COL25A1: variants seen among roughly 807,000 people sequenced by gnomAD.
COL25A1 encodes collagen alpha-1(XXV) chain.
Under a neutral mutation model 128.4 loss-of-function variants are expected in COL25A1, and 103 were observed. The ratio of observed to expected loss-of-function variants is 0.80; its 90% CI spans 0.68 to 0.94. The LOEUF is 0.94. Among genes scored for constraint, COL25A1 ranks in the 40% least tolerant of loss-of-function variants. The pLI is 0.00. For missense variants in COL25A1, 745 were observed against 840.0 expected, an observed-to-expected ratio of 0.89 and a Z score of 1.40; for synonymous variants, 279 against 277.2, an observed-to-expected ratio of 1.01 and a Z score of -0.06.
chr4:109,087,063 C>T (rs961087414), intron 3 of COL25A1, among the ~76,000 whole-genome samples: 3 of 152,044 alleles, frequency 2.0e-5, no homozygotes, highest in Admixed American at 6.5e-5. Context: ...AGTATGAGTA[C>T]AAAGGGATGA....
intron 15 of COL25A1, 39 bp from the exon 16 acceptor site, chr4:108,896,750 G>A: frequency 6.5e-7 from 1 of 1,538,258 alleles, no homozygotes; most frequent in Non-Finnish European, 9.0e-7. Flanking sequence ...AAATACATTG[G>A]TGACGTCAAG....
chr4:108,860,215 A>T (rs1426743207), intron 23 of COL25A1, among the ~76,000 whole-genome samples: 1 of 151,958 alleles, frequency 6.6e-6, no homozygotes, highest in Admixed American at 6.6e-5. Context: ...GTGTTCAAGC[A>T]ATTCTCCTGC....
chr4:109,234,138 A>AT (rs1290158164), intron 3 of COL25A1, among the ~76,000 whole-genome samples: 1 of 152,162 alleles, frequency 6.6e-6, no homozygotes, highest in Non-Finnish European at 1.5e-5. Context: ...GAACAAATTA[A>AT]TTTTTTCCAT....
At chr4:109,220,034 T>C in intron 3 of COL25A1, among the ~76,000 whole-genome samples, 1 of 152,196 alleles carries the variant, frequency 6.6e-6, no homozygotes, top group East Asian at 1.9e-4. Flanking sequence ...CCATCTGTCA[T>C]TTATAGTCTT....
chr4:108,937,358 G>T (rs1310520978), intron 11 of COL25A1, among the ~76,000 whole-genome samples: 1 of 151,708 alleles, frequency 6.6e-6, no homozygotes, highest in Non-Finnish European at 1.5e-5. Context: ...AAATGACAGA[G>T]AACCAAAAGG....
chr4:109,254,085 T>G (rs1290814725), intron 3 of COL25A1, among the ~76,000 whole-genome samples: 1 of 137,708 alleles, frequency 7.3e-6, no homozygotes, highest in Non-Finnish European at 1.5e-5. Context: ...AGACTCCGTC[T>G]CAAGAAAAAA....
At chr4:109,214,259 A>G (rs1777811277) in intron 3 of COL25A1, among the ~76,000 whole-genome samples, 1 of 152,204 alleles carries the variant, frequency 6.6e-6, no homozygotes, top group Non-Finnish European at 1.5e-5. Context: ...TGAAAACTTC[A>G]TAAAATCAAT....
At chr4:108,972,216 C>G (rs1252018425) in intron 8 of COL25A1, among the ~76,000 whole-genome samples, 1 of 151,796 alleles carries the variant, frequency 6.6e-6, no homozygotes, top group South Asian at 2.1e-4. Flanking sequence ...TGGTAAAAAG[C>G]GTAATTCAAA....
intron 6 of COL25A1, among the ~76,000 whole-genome samples, chr4:108,982,234 A>G (rs1560968699): frequency 6.6e-6 from 1 of 152,156 alleles, no homozygotes. Flanking sequence ...AAGAAATACA[A>G]TTGATTTCCT....
At chr4:108,912,578 T>C (rs530355799) in intron 13 of COL25A1, among the ~76,000 whole-genome samples, 23 of 152,212 alleles carry the variant, frequency 1.5e-4, no homozygotes, top group Non-Finnish European at 2.2e-4. Context: ...GCTAATTAAC[T>C]AGAAAACAAA....
intron 13 of COL25A1, among the ~76,000 whole-genome samples, chr4:108,905,841 G>C (rs1468235696): frequency 1.4e-5 from 2 of 147,198 alleles, no homozygotes; most frequent in Non-Finnish European, 3.0e-5. Context: ...CCAAGCTGGA[G>C]CAGTATGTCG....
At chr4:108,994,398 G>T (rs937920284) in intron 6 of COL25A1, among the ~76,000 whole-genome samples, 1 of 152,216 alleles carries the variant, frequency 6.6e-6, no homozygotes, top group Non-Finnish European at 1.5e-5. Flanking sequence ...CAGCTTGATG[G>T]GGGGAGGGGC....
chr4:108,845,163 T>G (rs1377598277), intron 29 of COL25A1, 26 bp downstream of exon 29: 18 of 1,599,702 alleles, frequency 1.1e-5, no homozygotes, highest in Non-Finnish European at 1.5e-5. Context: ...TCAGGAACAA[T>G]GGAAGTTCAG....
At chr4:109,170,635 C>G (rs1773500064) in intron 3 of COL25A1, among the ~76,000 whole-genome samples, 1 of 152,054 alleles carries the variant, frequency 6.6e-6, no homozygotes, top group Non-Finnish European at 1.5e-5. Context: ...ATGAAATGGG[C>G]AGGTGGAGAG....
At position 108,868,936 on chromosome 4, in the gene COL25A1, GAAAGAAAGA is replaced by G. The variant is rs1329584922; in HGVS notation, c.1083+143_1083+151del. The G allele has an allele frequency of 9.4e-6, 5 of 534,094 alleles. No homozygotes were observed. In the East Asian group the frequency reaches 1.0e-4, roughly 11 times the overall value. The allele number at this position is 534,094 out of a possible 1,614,324, so 33.1% of individuals were successfully genotyped here. ...AAGAAAGAGAAAGAAAAGAAGGAAGGAAAGAAAGAAAAGAAAGAAAGAAAAAGGAAAGAA... is the reference window on the plus strand; with the variant it reads ...AAGAAAGAGAAAGAAAAGAAGGAAGGAAAGAAAGAAAGAAAAAGGAAAGAA... On this transcript the variant is annotated intron_variant, in intron 20 of 37. Coordinates refer to ENST00000399132, the MANE Select transcript of COL25A1 (RefSeq NM_198721.4).
chr4:109,132,835 A>G (rs956374334), intron 3 of COL25A1, among the ~76,000 whole-genome samples: 44 of 152,230 alleles, frequency 2.9e-4, no homozygotes, highest in African/African-American at 1.0e-3. Flanking sequence ...CTTTGTGGAA[A>G]TATGTTCTGC....
intron 5 of COL25A1, among the ~76,000 whole-genome samples, chr4:109,030,622 T>A (rs1392808440): frequency 6.6e-6 from 1 of 152,234 alleles, no homozygotes; most frequent in Non-Finnish European, 1.5e-5. Context: ...CTCTGGTCTG[T>A]ATGGGAACTT....
intron 16 of COL25A1, among the ~76,000 whole-genome samples, chr4:108,895,938 C>CTTTTTTTTT (rs35506597): frequency 1.3e-4 from 9 of 70,794 alleles, no homozygotes; most frequent in Non-Finnish European, 1.5e-4. Context: ...TATAATCAAA[C>CTTTTTTTTT]TTTTTTTTTT....
At chr4:108,830,873 C>T (rs1733013562) in intron 32 of COL25A1, among the ~76,000 whole-genome samples, 1 of 152,246 alleles carries the variant, frequency 6.6e-6, no homozygotes, top group African/African-American at 2.4e-5. Flanking sequence ...TGCTTGAAAG[C>T]CAATCTGCAT....
Sources: gnomAD v4.1 joint callset for allele counts (sites outside exome capture counted in the v4.1 genomes callset) on GRCh38, gnomAD v4.1.1 for gene constraint, MANE v1.5 for transcripts, NCBI Gene and HGNC (gene_info 2026-07-23, HGNC 2026-07-21) for gene names.